MAP3K20: variants seen among roughly 807,000 people sequenced by gnomAD.
MAP3K20 encodes the protein HCCS-4.
A neutral mutation model predicts 85.7 loss-of-function variants in MAP3K20; 40 were observed. The observed-to-expected ratio is 0.47, with a 90% CI of 0.36 to 0.61. The LOEUF (loss-of-function observed/expected upper bound fraction) is 0.61, where lower values mean the gene tolerates loss of function less well. MAP3K20 is among the 20% of genes least tolerant of loss of function. The pLI is 0.00. For synonymous variants in MAP3K20, 325 were observed against 327.7 expected (o/e 0.99, Z 0.09); for missense variants, 817 against 961.7 (o/e 0.85, Z 1.99).
rs768512567 is a variant in MAP3K20, at chr2:173,263,743, A to G, written c.1552-2A>G. 1 of 1,606,530 alleles carries G rather than the reference A, an allele frequency of 6.2e-7. No homozygotes were observed. The highest frequency in any genetic ancestry group is 1.1e-5 in the South Asian group (1 of 89,054). On this transcript the variant is annotated splice_acceptor_variant, in intron 18 of 19. Coordinates refer to ENST00000375213, the MANE Select transcript of MAP3K20 (RefSeq NM_016653.3). LOFTEE classifies it high-confidence loss of function. The stretch of plus-strand genomic sequence containing the variant: ...GTCTTTTTCGTTTGTTTGTTTTACC[A>G]GAGTGATGTTAGAACTCCAAAAAGC...
intron 3 of MAP3K20, among the ~76,000 whole-genome samples, chr2:173,181,498 A>G (rs1690325293): frequency 6.6e-6 from 1 of 152,228 alleles, no homozygotes; most frequent in South Asian, 2.1e-4. Flanking sequence ...AAAGTTAGAC[A>G]TAAACTTACC....
chr2:173,128,151 C>T (rs992486777), intron 2 of MAP3K20, among the ~76,000 whole-genome samples: 1 of 151,970 alleles, frequency 6.6e-6, no homozygotes, highest in Admixed American at 6.6e-5. Flanking sequence ...ATTTATTTTC[C>T]TCTGACACAA....
At chr2:173,224,020 C>T (rs1684321604) in intron 11 of MAP3K20, 1 of 983,750 alleles carries the variant, frequency 1.0e-6, no homozygotes, top group East Asian at 1.1e-4. Flanking sequence ...AGACACTGTT[C>T]TGGAAGATAG....
At chr2:173,109,064 G>A (rs1687868924) in intron 2 of MAP3K20, among the ~76,000 whole-genome samples, 1 of 152,048 alleles carries the variant, frequency 6.6e-6, no homozygotes, top group African/African-American at 2.4e-5. Context: ...GTCATTGATG[G>A]CCCAGAATTT....
intron 2 of MAP3K20, among the ~76,000 whole-genome samples, chr2:173,167,630 A>C (rs545502795): frequency 1.3e-5 from 2 of 152,192 alleles, no homozygotes; most frequent in Admixed American, 6.5e-5. Context: ...GGGATAGAGG[A>C]TAATGATTGT....
chr2:173,203,252 GT>G (rs1683551447), intron 8 of MAP3K20, among the ~76,000 whole-genome samples: 1 of 152,058 alleles, frequency 6.6e-6, no homozygotes, highest in South Asian at 2.1e-4. Context: ...GTTGTATCGG[GT>G]CCTTAAAGTA....
chr2:173,216,443 C>T (rs1244590910), intron 10 of MAP3K20, among the ~76,000 whole-genome samples: 1 of 151,906 alleles, frequency 6.6e-6, no homozygotes, highest in Non-Finnish European at 1.5e-5. Context: ...GGGTCCCACC[C>T]AGGCCTACTG....
chr2:173,263,750 T>C lies in MAP3K20; in HGVS notation c.1557T>C (p.Asp519=). Residue 519 remains aspartate (D), a synonymous_variant, in exon 19 of 20, where the codon GAT becomes GAC. Transcript: ENST00000375213. ...TVECTVTYES[D]VRTPKSTKHV... is the part of the protein sequence containing the mutation. Reference sequence around the variant, plus strand: ...TCGTTTGTTTGTTTTACCAGAGTGATGTTAGAACTCCAAAAAGCACTAAAC... The same window carrying C: ...TCGTTTGTTTGTTTTACCAGAGTGACGTTAGAACTCCAAAAAGCACTAAAC... 2 of 1,608,714 alleles carry C rather than the reference T, an allele frequency of 1.2e-6. No individual in the cohort carries two copies. Among genetic ancestry groups the C allele is most frequent in the Non-Finnish European group, 1.7e-6 (2 of 1,178,680 alleles).
chr2:173,129,974 A>G (rs1369203692), intron 2 of MAP3K20, among the ~76,000 whole-genome samples: 1 of 152,228 alleles, frequency 6.6e-6, no homozygotes, highest in East Asian at 1.9e-4. Flanking sequence ...TGGGAAATCA[A>G]TACTCTCTAA....
In MAP3K20 at chr2:173,185,501, C is replaced by T. The variant is rs1049723892; in HGVS notation, c.350-2057C>T. On this transcript the variant is annotated intron_variant, in intron 4 of 19. Transcript: ENST00000375213. ...TTTCTCTGATAAGCTGGGTGTAGAA[C>T]TTAAGAATTTAAGAGATTAAGTAGG... is the stretch of plus-strand genomic sequence containing the variant. Among the ~76,000 whole-genome samples the T allele has an allele frequency of 9.9e-5, 15 of 151,836 alleles. No individual in the cohort carries two copies. The East Asian group carries it at 2.9e-3, about 29-fold the overall frequency.
Position 173,232,367 on chromosome 2 carries a change from A to C in MAP3K20, c.1111A>C (p.Asn371His). Reference protein sequence around the residue: ...MSVYASLFKENNITGKRLLLL... With the variant: ...MSVYASLFKEHNITGKRLLLL... ...TGTATATGCAAGCTTGTTTAAAGAA[A>C]ACAACATTACAGGGAAGCGGCTGCT... Residue 371 changes from asparagine to histidine, a missense_variant, in exon 14 of 20, where the codon AAC (asparagine) becomes CAC (histidine). By Grantham distance (68) the Asn-to-His change is moderately conservative (BLOSUM62 1). Around this residue, in one of 4 missense-constraint regions of MAP3K20, gnomAD observed 158 missense variants for 162.0 expected, o/e 0.98. Coordinates refer to ENST00000375213, the MANE Select transcript of MAP3K20 (RefSeq NM_016653.3). 1 of 1,614,266 alleles carries C rather than the reference A, an allele frequency of 6.2e-7. No homozygotes were observed.
intron 3 of MAP3K20, among the ~76,000 whole-genome samples, chr2:173,181,839 A>G (rs1048096727): frequency 2.6e-5 from 4 of 151,118 alleles, no homozygotes; most frequent in African/African-American, 9.7e-5. Context: ...GCTTGAGCTC[A>G]GGAGTTTGAG....
Position 173,203,881 on chromosome 2 carries a change from G to A in MAP3K20, c.744+11G>A. The A allele has an allele frequency of 1.9e-6, 3 of 1,610,974 alleles. No homozygotes were observed. Among genetic ancestry groups the A allele is most frequent in the Non-Finnish European group, 2.5e-6 (3 of 1,177,766 alleles). The stretch of plus-strand genomic sequence containing the variant: ...GAAGCTGATGCCAAGGTATACATAT[G>A]TATTTTTGTTATTGTTTAGAATTCT... On this transcript the variant is annotated intron_variant, in intron 9 of 19. Transcript: ENST00000375213.
chr2:173,079,339 G>T (rs1373862575), intron 1 of MAP3K20, among the ~76,000 whole-genome samples: 1 of 152,190 alleles, frequency 6.6e-6, no homozygotes, highest in East Asian at 1.9e-4. Flanking sequence ...GAGGTTGCAG[G>T]ACTGGAAGTT....
intron 2 of MAP3K20, among the ~76,000 whole-genome samples, chr2:173,167,136 C>T (rs1689855820): frequency 6.6e-6 from 1 of 151,700 alleles, no homozygotes; most frequent in Non-Finnish European, 1.5e-5. Context: ...AGGATGGTCT[C>T]GACCTCCTGA....
intron 11 of MAP3K20, chr2:173,227,082 G>T: frequency 1.0e-6 from 1 of 985,854 alleles, no homozygotes; most frequent in Non-Finnish European, 1.2e-6. Flanking sequence ...TCATTTTGAT[G>T]TGAACTTTTC....
chr2:173,131,015 G>A (rs1022382612), intron 2 of MAP3K20, among the ~76,000 whole-genome samples: 2 of 152,102 alleles, frequency 1.3e-5, no homozygotes, highest in Non-Finnish European at 2.9e-5. Context: ...TATTTATTAG[G>A]GATTGTAATT....
intron 1 of MAP3K20, chr2:173,090,746 G>A (rs1248654027): frequency 3.8e-5 from 41 of 1,079,912 alleles, no homozygotes; most frequent in Non-Finnish European, 4.5e-5. Flanking sequence ...GGTTTTGTCT[G>A]GGGGATATCT....
chr2:173,182,755 G>T, intron 3 of MAP3K20, 99 bp from the exon 4 acceptor site: 1 of 865,400 alleles, frequency 1.2e-6, no homozygotes. Context: ...GATGTCTTTT[G>T]TTAAATTCTT....
Sources: allele counts gnomAD v4.1 joint callset (sites outside exome capture counted in the v4.1 genomes callset), GRCh38; gene constraint gnomAD v4.1.1; regional missense constraint gnomAD v4.1.1; transcripts MANE v1.5; gene names NCBI Gene and HGNC (gene_info 2026-07-23, HGNC 2026-07-21).